LARGE1: variants seen among roughly 807,000 people sequenced by gnomAD.
LARGE1 encodes LARGE xylosyl- and glucuronyltransferase 1, also known as xylosyl- and glucuronyltransferase LARGE1.
A neutral mutation model predicts 87.6 loss-of-function variants in LARGE1; 43 were observed. The ratio of observed to expected loss-of-function variants is 0.49; its 90% CI spans 0.38 to 0.63. The LOEUF is 0.63. Ranked by LOEUF, LARGE1 falls within the 30% of genes least tolerant of loss-of-function variation. The pLI is 0.00. For synonymous variants in LARGE1, 434 were observed against 394.6 expected (o/e 1.10, Z -1.18); for missense variants, 802 against 1,000.2 (o/e 0.80, Z 2.67).
In LARGE1 at chr22:33,600,682, C is replaced by T. The variant is rs73882278; in HGVS notation, c.615+3753G>A. On this transcript the variant is annotated intron_variant, in intron 5 of 14. Coordinates refer to ENST00000397394, the MANE Select transcript of LARGE1 (RefSeq NM_133642.5). ...TGCAGGACTGGAGAGTGAGGAAGGA[C>T]GCAAGTGGTGCAAGAACAACTTGGA... 6.2e-3 allele frequency among the ~76,000 whole-genome samples: 946 copies of T among 152,222 alleles called. 9 individuals are homozygous for T. Among genetic ancestry groups the T allele is most frequent in the African/African-American group, 0.022 (907 of 41,506 alleles).
chr22:33,465,122 G>A (rs565793673), intron 6 of LARGE1, among the ~76,000 whole-genome samples: 47 of 152,318 alleles, frequency 3.1e-4, no homozygotes, highest in African/African-American at 1.1e-3. Flanking sequence ...ATGCATCAGT[G>A]AAATGAATGA....
intron 2 of LARGE1, among the ~76,000 whole-genome samples, chr22:33,700,018 C>T (rs749346674): frequency 5.3e-5 from 8 of 152,188 alleles, no homozygotes; most frequent in Non-Finnish European, 1.0e-4. Flanking sequence ...ACTTACATTG[C>T]AGGTTCTAAT....
intron 1 of LARGE1, among the ~76,000 whole-genome samples, chr22:33,848,295 G>A (rs1046498354): frequency 1.3e-5 from 2 of 152,188 alleles, no homozygotes; most frequent in African/African-American, 4.8e-5. Context: ...CTCACCAACA[G>A]GCTTACGTCT....
chr22:33,569,280 C>G (rs769688700), intron 5 of LARGE1, among the ~76,000 whole-genome samples: 1 of 152,142 alleles, frequency 6.6e-6, no homozygotes, highest in Non-Finnish European at 1.5e-5. Context: ...AGACTGAACA[C>G]GAGAGTGATG....
chr22:33,754,325 T>C (rs1165675332), intron 2 of LARGE1, among the ~76,000 whole-genome samples: 4 of 150,864 alleles, frequency 2.7e-5, no homozygotes, highest in African/African-American at 4.9e-5. Flanking sequence ...TTATTAAACA[T>C]TGGCTGAAAA....
chr22:33,111,101 T>C, the LARGE1 span, among the ~76,000 whole-genome samples: 2 of 152,144 alleles, frequency 1.3e-5, no homozygotes, highest in Non-Finnish European at 2.9e-5. Context: ...CCAGTGACTT[T>C]TGAGACCTGG....
At position 33,360,978 on chromosome 22, in the gene LARGE1, A is replaced by G. The variant is rs111848956; in HGVS notation, c.1131+20941T>C. Among the ~76,000 whole-genome samples, 1,195 of 149,518 alleles carry G rather than the reference A, an allele frequency of 8.0e-3. 86 individuals carry two copies. The highest frequency in any genetic ancestry group is 0.028 in the African/African-American group (1,137 of 40,682). On this transcript the variant is annotated intron_variant, in intron 9 of 14. Transcript: ENST00000397394. ...ACGCCTATAATCTCAGCACTTTGGG[A>G]GGCCGAGGCGGGTGGATCACGAGGT...
chr22:33,874,371 G>A (rs2064398767), intron 1 of LARGE1, among the ~76,000 whole-genome samples: 1 of 152,166 alleles, frequency 6.6e-6, no homozygotes, highest in Non-Finnish European at 1.5e-5. Flanking sequence ...TCTTCCAGGA[G>A]CACATCAGCC....
chr22:33,582,335 C>T (rs896510040), intron 5 of LARGE1, among the ~76,000 whole-genome samples: 1 of 151,724 alleles, frequency 6.6e-6, no homozygotes, highest in Non-Finnish European at 1.5e-5. Flanking sequence ...GGAGAGTACA[C>T]ATTTTGTCTA....
chr22:33,738,844 C>CAA lies in LARGE1; in HGVS notation c.106+22525_106+22526dup, dbSNP rs546110880. On this transcript the variant is annotated intron_variant, in intron 2 of 14. Transcript: ENST00000397394. ...TGGGTGACAGAGCGAGACTCCGTCT[C>CAA]AAAAAAAAAAAAAAAAAGAGAGACC... Among the ~76,000 whole-genome samples the CAA allele has an allele frequency of 8.4e-3, 621 of 74,306 alleles. 5 individuals carry two copies. Among genetic ancestry groups the CAA allele is most frequent in the Middle Eastern group, 0.042 (5 of 120 alleles). 48.7% of individuals were successfully genotyped at this position (74,306 alleles called of 152,430 possible).
the LARGE1 span, among the ~76,000 whole-genome samples, chr22:33,071,448 T>A: frequency 6.6e-6 from 1 of 152,202 alleles, no homozygotes; most frequent in Admixed American, 6.6e-5. Flanking sequence ...TCTCCTCCAC[T>A]AGACTCTGAA....
At chr22:33,565,146 A>G (rs1336819537) in intron 5 of LARGE1, 127 bp from the exon 6 acceptor site, 12 of 838,204 alleles carry the variant, frequency 1.4e-5, no homozygotes, top group Non-Finnish European at 2.3e-5. Context: ...TGTTGAATAA[A>G]TGAATGAGTT....
At chr22:33,635,174 A>T (rs1186271367) in intron 3 of LARGE1, among the ~76,000 whole-genome samples, 1 of 151,540 alleles carries the variant, frequency 6.6e-6, no homozygotes, top group Non-Finnish European at 1.5e-5. Context: ...TTCACTCCTT[A>T]TCTATGAAGG....
the LARGE1 span, among the ~76,000 whole-genome samples, chr22:33,104,085 C>A: frequency 1.4e-3 from 206 of 152,220 alleles, no homozygotes; most frequent in African/African-American, 4.8e-3. Context: ...CAGACTAATA[C>A]AGAAATGGAT....
chr22:33,786,533 A>G (rs553344766), intron 1 of LARGE1, among the ~76,000 whole-genome samples: 1 of 152,326 alleles, frequency 6.6e-6, no homozygotes, highest in East Asian at 1.9e-4. Flanking sequence ...GAGGTGCCTC[A>G]GAAGGAGGTT....
intron 7 of LARGE1, among the ~76,000 whole-genome samples, chr22:33,407,427 T>G (rs2066141984): frequency 6.6e-6 from 1 of 152,238 alleles, no homozygotes; most frequent in Admixed American, 6.5e-5. Flanking sequence ...CCTTTCCCTC[T>G]ATTTCTTGTG....
At chr22:33,259,422 C>A (rs182288404) in intron 11 of LARGE1, among the ~76,000 whole-genome samples, 2 of 151,782 alleles carry the variant, frequency 1.3e-5, no homozygotes, top group East Asian at 3.9e-4. Context: ...CACTTTTTTG[C>A]CACATCGTAG....
the LARGE1 span, among the ~76,000 whole-genome samples, chr22:33,111,917 T>C: frequency 6.6e-6 from 1 of 152,096 alleles, no homozygotes; most frequent in Non-Finnish European, 1.5e-5. Context: ...GTGTTACAAC[T>C]GAGGGAACAG....
chr22:33,363,350 C>T (rs1358781519), intron 9 of LARGE1, among the ~76,000 whole-genome samples: 1 of 149,848 alleles, frequency 6.7e-6, no homozygotes, highest in Non-Finnish European at 1.5e-5. Context: ...GGAGGCCTCA[C>T]AATCATGGTG....
Sources: allele counts gnomAD v4.1 joint callset (sites outside exome capture counted in the v4.1 genomes callset), GRCh38; gene constraint gnomAD v4.1.1; transcripts MANE v1.5; gene names NCBI Gene and HGNC (gene_info 2026-07-23, HGNC 2026-07-21).